Variants in KLF17 observed in about 807,000 individuals in gnomAD.
KLF17 encodes KLF transcription factor 17.
KLF17 carries 31 observed loss-of-function variants against 34.2 expected under a neutral mutation model. The observed-to-expected ratio is 0.91, with a 90% CI of 0.68 to 1.22. The LOEUF (loss-of-function observed/expected upper bound fraction) is 1.22, where lower values mean the gene tolerates loss of function less well. KLF17 is among the 50% of genes most tolerant of loss of function. The pLI, the probability that KLF17 is intolerant of heterozygous loss-of-function variation, is 0.00. For missense variants in KLF17, 478 were observed against 505.2 expected (o/e 0.95, Z 0.52); for synonymous variants, 179 against 186.7 (o/e 0.96, Z 0.34).
At chr1:44,122,963 T>C (rs954455313) in intron 1 of KLF17, among the ~76,000 whole-genome samples, 2 of 152,202 alleles carry the variant, frequency 1.3e-5, no homozygotes, top group African/African-American at 2.4e-5. Flanking sequence ...TTCTGTAAAG[T>C]AGGAAGTAAT....
the KLF17 span, among the ~76,000 whole-genome samples, chr1:44,064,190 A>C: frequency 2.6e-5 from 4 of 152,310 alleles, no homozygotes; most frequent in Non-Finnish European, 5.9e-5. Flanking sequence ...CAAGGGAAAA[A>C]CCAGTAAAAT....
At chr1:44,118,700 C>T, upstream of KLF17, 1 of 420,886 alleles carries the variant, frequency 2.4e-6, no homozygotes. Flanking sequence ...TTGGTTGGGG[C>T]ATGGTGAGGG....
chr1:44,089,362 C>T, the KLF17 span, among the ~76,000 whole-genome samples: 3 of 152,192 alleles, frequency 2.0e-5, no homozygotes, highest in Admixed American at 2.0e-4. Context: ...AATCAGGCCC[C>T]ACAAAGCCTC....
At chr1:44,053,484 G>C in the KLF17 span, among the ~76,000 whole-genome samples, 1 of 152,084 alleles carries the variant, frequency 6.6e-6, no homozygotes, top group Non-Finnish European at 1.5e-5. Flanking sequence ...CACTTCTCTA[G>C]TGCAGAATTC....
At chr1:44,117,534 T>G (rs1388931812), upstream of KLF17, 7 of 151,830 alleles carry the variant, frequency 4.6e-5, no homozygotes, top group Non-Finnish European at 1.5e-5. Context: ...TTGCTCTTGT[T>G]GCCCAGGCTG....
At chr1:44,056,743 A>T in the KLF17 span, among the ~76,000 whole-genome samples, 2 of 152,160 alleles carry the variant, frequency 1.3e-5, no homozygotes, top group African/African-American at 4.8e-5. Flanking sequence ...CATGGCCAGG[A>T]TGCTTGCAAG....
the KLF17 span, among the ~76,000 whole-genome samples, chr1:44,060,515 C>T: frequency 6.6e-6 from 1 of 152,106 alleles, no homozygotes; most frequent in Non-Finnish European, 1.5e-5. Context: ...GTTGGCCACC[C>T]TTGCCCCTCC....
the KLF17 span, chr1:44,104,035 A>G: frequency 1.5e-5 from 13 of 863,578 alleles, no homozygotes; most frequent in Non-Finnish European, 1.8e-5. Flanking sequence ...TTGTCCATGG[A>G]CAGCACCACA....
chr1:44,070,642 A>G, the KLF17 span, among the ~76,000 whole-genome samples: 1 of 111,010 alleles, frequency 9.0e-6, no homozygotes, highest in Non-Finnish European at 1.7e-5. Flanking sequence ...TCTGTTGCCC[A>G]GGCTGGAGTG....
chr1:44,084,252 G>T, the KLF17 span, among the ~76,000 whole-genome samples: 1 of 152,140 alleles, frequency 6.6e-6, no homozygotes, highest in South Asian at 2.1e-4. Flanking sequence ...TCAGCTAATT[G>T]TGGGTGGTGT....
chr1:44,128,005 A>G (rs897254433), intron 1 of KLF17, among the ~76,000 whole-genome samples: 6 of 151,832 alleles, frequency 4.0e-5, no homozygotes, highest in African/African-American at 9.7e-5. Flanking sequence ...TTGAAGAGTG[A>G]ATAGGAGATG....
At chr1:44,064,695 T>C in the KLF17 span, among the ~76,000 whole-genome samples, 1 of 152,248 alleles carries the variant, frequency 6.6e-6, no homozygotes, top group African/African-American at 2.4e-5. Flanking sequence ...GAATTTATTG[T>C]TAATATCTGA....
At chr1:44,095,058 A>G in the KLF17 span, among the ~76,000 whole-genome samples, 49,135 of 150,650 alleles carry the variant, frequency 0.33, 8,127 homozygotes, top group South Asian at 0.38. Flanking sequence ...CTGCTACCAT[A>G]CCTGGCTAAT....
At chr1:44,130,294 T>C in intron 2 of KLF17, 98 bp downstream of exon 2, 2 of 1,514,448 alleles carry the variant, frequency 1.3e-6, no homozygotes, top group South Asian at 1.3e-5. Context: ...GAGCCTTTCA[T>C]CTTCCAAGCT....
chr1:44,090,740 G>T, the KLF17 span, among the ~76,000 whole-genome samples: 1 of 152,082 alleles, frequency 6.6e-6, no homozygotes, highest in East Asian at 1.9e-4. Flanking sequence ...GAAATAGAAT[G>T]CAAGAAAGGA....
chr1:44,100,214 C>T, the KLF17 span, among the ~76,000 whole-genome samples: 12 of 149,248 alleles, frequency 8.0e-5, no homozygotes, highest in Middle Eastern at 3.5e-3. Flanking sequence ...GCCGAGATCA[C>T]GCCACTGAAC....
chr1:44,053,443 C>A, the KLF17 span, among the ~76,000 whole-genome samples: 1 of 152,070 alleles, frequency 6.6e-6, no homozygotes. Context: ...TGAAGCCTCT[C>A]CAGTCCCCTA....
At chr1:44,094,335 G>A in the KLF17 span, among the ~76,000 whole-genome samples, 1 of 152,144 alleles carries the variant, frequency 6.6e-6, no homozygotes, top group Non-Finnish European at 1.5e-5. Context: ...CTGTGCAGAA[G>A]CTTTTTAGCT....
intron 1 of KLF17, among the ~76,000 whole-genome samples, chr1:44,125,627 C>G (rs1323046906): frequency 1.3e-5 from 2 of 152,142 alleles, no homozygotes; most frequent in African/African-American, 4.8e-5. Context: ...GCCACCACAC[C>G]TGGCTAATTT....
Sources: allele counts gnomAD v4.1 joint callset (sites outside exome capture counted in the v4.1 genomes callset), GRCh38; gene constraint gnomAD v4.1.1; transcripts MANE v1.5; gene names NCBI Gene and HGNC (gene_info 2026-07-23, HGNC 2026-07-21).